Variants in PPP1R37 observed in about 807,000 individuals in gnomAD.
PPP1R37 encodes the protein leucine rich repeat containing 68.
PPP1R37 carries 21 observed loss-of-function variants against 61.0 expected under a neutral mutation model. The observed-to-expected ratio is 0.34, with a 90% CI of 0.24 to 0.50. The LOEUF (loss-of-function observed/expected upper bound fraction) is 0.50, where lower values mean the gene tolerates loss of function less well. Ranked by LOEUF, PPP1R37 falls within the 20% of genes least tolerant of loss-of-function variation. PPP1R37 has a pLI of 0.98. For missense variants in PPP1R37, 910 were observed against 952.7 expected, an observed-to-expected ratio of 0.96 and a Z score of 0.59; for synonymous variants, 443 against 433.5, an observed-to-expected ratio of 1.02 and a Z score of -0.27.
chr19:45,116,793 C>T (rs1968273285), intron 1 of PPP1R37, among the ~76,000 whole-genome samples: 1 of 151,948 alleles, frequency 6.6e-6, no homozygotes, highest in South Asian at 2.1e-4. Context: ...CAAGTAGATC[C>T]TTAGAGATTG....
At chr19:45,137,726 C>G (rs932567390) in intron 1 of PPP1R37, among the ~76,000 whole-genome samples, 1 of 151,870 alleles carries the variant, frequency 6.6e-6, no homozygotes, top group African/African-American at 2.4e-5. Flanking sequence ...AAGCCCGGCT[C>G]GCATATATAC....
chr19:45,112,487 C>G (rs191829664), intron 1 of PPP1R37, among the ~76,000 whole-genome samples: 1 of 152,354 alleles, frequency 6.6e-6, no homozygotes, highest in East Asian at 1.9e-4. Flanking sequence ...CTCCAAGAGT[C>G]TCCTTCCTGG....
At chr19:45,103,451 G>A (rs1456927905) in intron 1 of PPP1R37, among the ~76,000 whole-genome samples, 3 of 152,222 alleles carry the variant, frequency 2.0e-5, no homozygotes, top group Non-Finnish European at 4.4e-5. Context: ...GGGACCCGCC[G>A]GGGTCGGACT....
intron 1 of PPP1R37, among the ~76,000 whole-genome samples, chr19:45,118,734 C>G (rs7256406): frequency 3.3e-5 from 5 of 152,152 alleles, no homozygotes; most frequent in African/African-American, 1.2e-4. Context: ...TGTCCTGTCC[C>G]TCAGGGGTGG....
intron 7 of PPP1R37, 163 bp downstream of exon 7, chr19:45,142,621 C>G: frequency 1.4e-6 from 1 of 733,758 alleles, no homozygotes. Context: ...CAGTGACAAC[C>G]TAGAGTGGGC....
At chr19:45,110,227 C>T (rs752668564) in intron 1 of PPP1R37, among the ~76,000 whole-genome samples, 45 of 151,742 alleles carry the variant, frequency 3.0e-4, no homozygotes, top group Non-Finnish European at 2.4e-4. Context: ...GTGATCCTCC[C>T]GCCTCAGCCT....
chr19:45,120,845 C>A (rs899713823), intron 1 of PPP1R37, among the ~76,000 whole-genome samples: 3 of 152,180 alleles, frequency 2.0e-5, no homozygotes, highest in African/African-American at 7.2e-5. Context: ...AACTCCTGAC[C>A]TCAGGTGATC....
Position 45,143,528 on chromosome 19 carries a change from C to G in PPP1R37, c.882C>G (p.Ala294=). 1.3e-6 allele frequency: 2 copies of G among 1,534,082 alleles called. No individual in the cohort carries two copies. The highest frequency in any genetic ancestry group is 4.9e-5 in the East Asian group (2 of 40,904). The part of the protein sequence containing the change: ...RNNHVLDSGL[A]YICEGLKEQR... Reference sequence around the variant, plus strand: ...ACTGCCGGCCTCCTCCAGGTCTGGCCTACATCTGCGAGGGCCTCAAGGAGC... The same window carrying G: ...ACTGCCGGCCTCCTCCAGGTCTGGCGTACATCTGCGAGGGCCTCAAGGAGC... The change falls in exon 8 of 13, where the codon GCC becomes GCG. Residue 294 remains alanine (A), a synonymous_variant. Transcript: ENST00000221462.
At chr19:45,115,352 T>C (rs1370351620) in intron 1 of PPP1R37, among the ~76,000 whole-genome samples, 1 of 152,158 alleles carries the variant, frequency 6.6e-6, no homozygotes, top group Non-Finnish European at 1.5e-5. Context: ...GAAGTGGGCT[T>C]TGAAGTCAGG....
At position 45,146,768 on chromosome 19, in the gene PPP1R37, T is replaced by G; in HGVS notation, c.*206T>G. The G allele has an allele frequency of 2.9e-6, 1 of 345,466 alleles. No individual in the cohort carries two copies. Among genetic ancestry groups the G allele is most frequent in the South Asian group, 2.7e-5 (1 of 37,448 alleles). The allele number at this position is 345,466 out of a possible 1,614,324, so 21.4% of individuals were successfully genotyped here. A position where few individuals can be genotyped will look rare whatever the true frequency, so the allele number is the denominator to read the frequency against. On this transcript the variant is annotated 3_prime_UTR_variant, in exon 13 of 13. Coordinates refer to ENST00000221462, the MANE Select transcript of PPP1R37 (RefSeq NM_019121.2). ...CGCGCGTGACTCAAGCACTTCTATT[T>G]ATGAGCCCAGCACTGGAAGACTCTG...
rs1329863104 is a variant in PPP1R37, at chr19:45,145,302, G to A, written c.1296+42G>A. On this transcript the variant is annotated intron_variant, in intron 10 of 12. Coordinates refer to ENST00000221462, the MANE Select transcript of PPP1R37 (RefSeq NM_019121.2). The stretch of plus-strand genomic sequence containing the variant: ...CCTGCAGCCCTGGGGCGGGCGGAAG[G>A]CCGGGTGGTGGGGCCGGCCTGAGAG... 5.3e-6 allele frequency: 8 copies of A among 1,521,384 alleles called. No individual in the cohort carries two copies. The South Asian group carries it at 7.3e-5, about 14-fold the overall frequency. The allele number at this position is 1,521,384 out of a possible 1,614,324, so 94.2% of individuals were successfully genotyped here. A position where few individuals can be genotyped will look rare whatever the true frequency, so the allele number is the denominator to read the frequency against.
rs956110070 is a variant in PPP1R37, at chr19:45,130,690, G to A, written c.203-7824G>A. On this transcript the variant is annotated intron_variant, in intron 1 of 12. Coordinates refer to ENST00000221462, the MANE Select transcript of PPP1R37 (RefSeq NM_019121.2). The surrounding 1 kb of genome is among the most constrained non-coding windows in gnomAD (Gnocchi z 4.4). ...CCTGGTTGCCATCACAGTCATATGG[G>A]GACCTGTTAAAATCTGGGCCCCTGG... Among the ~76,000 whole-genome samples, 4 of 152,268 alleles carry A rather than the reference G, an allele frequency of 2.6e-5. No individual in the cohort carries two copies. Among genetic ancestry groups the A allele is most frequent in the Non-Finnish European group, 1.5e-5 (1 of 68,010 alleles).
intron 1 of PPP1R37, among the ~76,000 whole-genome samples, chr19:45,118,207 G>A (rs113864569): frequency 3.1e-4 from 47 of 152,310 alleles, no homozygotes; most frequent in African/African-American, 1.0e-3. Context: ...GCACCCAGCC[G>A]CTGTCCCCAT....
intron 4 of PPP1R37, among the ~76,000 whole-genome samples, chr19:45,140,917 G>A (rs1275485903): frequency 6.6e-6 from 1 of 152,142 alleles, no homozygotes; most frequent in East Asian, 1.9e-4. Context: ...CTCCTACAGG[G>A]TGGGCTTGGG....
Position 45,114,818 on chromosome 19 carries a change from G to A in PPP1R37, c.202+21291G>A, listed in dbSNP as rs547472526. On this transcript the variant is annotated intron_variant, in intron 1 of 12. Transcript: ENST00000221462. ...ATATAAAAAATTAAATTTTCGGAAG[G>A]TGCATTCACATCACAAGGCAGAAAG... Among the ~76,000 whole-genome samples, 25 of 151,706 alleles carry A rather than the reference G, an allele frequency of 1.6e-4. No homozygotes were observed. The South Asian group carries it at 3.3e-3, about 20-fold the overall frequency.
chr19:45,095,833 G>T (rs1165464071), intron 1 of PPP1R37, among the ~76,000 whole-genome samples: 2 of 152,006 alleles, frequency 1.3e-5, no homozygotes, highest in South Asian at 4.2e-4. Context: ...CCAGGGATAG[G>T]TGGTTAGTTT....
chr19:45,126,313 C>A (rs530968317), intron 1 of PPP1R37, among the ~76,000 whole-genome samples: 1 of 152,288 alleles, frequency 6.6e-6, no homozygotes, highest in South Asian at 2.1e-4. Context: ...AGGGGCCCTT[C>A]CTGTGTGCCT....
rs932177119 is a variant in PPP1R37 at position 45,144,902 on chromosome 19, G to A, written c.1036G>A (p.Gly346Arg). ...GCTGAACCTGGGCCACAACCCCATC[G>A]GGAACGAGGGTGTGCGGCACCTCAA... ...ETLNLGHNPI[G>R]NEGVRHLKNG... The change falls in exon 9 of 13, where the codon GGG becomes AGG. Residue 346 changes from glycine to arginine, a missense_variant. Coordinates refer to ENST00000221462, the MANE Select transcript of PPP1R37 (RefSeq NM_019121.2). 4 of 1,535,668 alleles carry A rather than the reference G, an allele frequency of 2.6e-6. No individual in the cohort carries two copies. The highest frequency in any genetic ancestry group is 8.7e-7 in the Non-Finnish European group (1 of 1,146,668).
chr19:45,114,372 G>T (rs1180414185), intron 1 of PPP1R37, among the ~76,000 whole-genome samples: 1 of 152,210 alleles, frequency 6.6e-6, no homozygotes, highest in Non-Finnish European at 1.5e-5. Context: ...TCTTCAGAAC[G>T]TCTTCCACTA....
Sources: allele counts gnomAD v4.1 joint callset (sites outside exome capture counted in the v4.1 genomes callset), GRCh38; gene constraint gnomAD v4.1.1; non-coding constraint Gnocchi (gnomAD v3.1); transcripts MANE v1.5; gene names NCBI Gene and HGNC (gene_info 2026-07-23, HGNC 2026-07-21).